ODAD2: variants seen among roughly 807,000 people sequenced by gnomAD.
ODAD2 encodes outer dynein arm docking complex subunit 2, also known as outer dynein arm-docking complex subunit 2.
Under a neutral mutation model 106.8 loss-of-function variants are expected in ODAD2, and 89 were observed. The observed-to-expected ratio is 0.83, with a 90% CI of 0.70 to 0.99. The LOEUF is 0.99. ODAD2 is among the 50% of genes least tolerant of loss of function. The pLI, the probability that ODAD2 is intolerant of heterozygous loss-of-function variation, is 0.00. For synonymous variants in ODAD2, 404 were observed against 436.2 expected (o/e 0.93, Z 0.92); for missense variants, 1,168 against 1,238.5 (o/e 0.94, Z 0.85).
At chr10:27,851,588 A>T (rs1302661858) in intron 19 of ODAD2, among the ~76,000 whole-genome samples, 5 of 152,080 alleles carry the variant, frequency 3.3e-5, no homozygotes, top group African/African-American at 1.2e-4. Flanking sequence ...ACATTGCAGA[A>T]AAAAAAGTGA....
chr10:27,984,120 G>C (rs1000922700), intron 5 of ODAD2, 64 bp downstream of exon 5: 48 of 1,485,714 alleles, frequency 3.2e-5, no homozygotes, highest in South Asian at 1.0e-4. Flanking sequence ...GACATTGAAA[G>C]CATTTTGCAA....
chr10:27,923,668 C>T (rs540964742), intron 16 of ODAD2, among the ~76,000 whole-genome samples: 1 of 152,040 alleles, frequency 6.6e-6, no homozygotes, highest in Non-Finnish European at 1.5e-5. Flanking sequence ...CAAGCACTGA[C>T]AGGGTACAGT....
intron 2 of ODAD2, 124 bp from the exon 3 acceptor site, chr10:27,987,667 T>G (rs1367631817): frequency 1.6e-6 from 1 of 611,344 alleles, no homozygotes; most frequent in Non-Finnish European, 2.6e-6. Context: ...TATAAATACA[T>G]CTGGTTAGTA....
intron 7 of ODAD2, among the ~76,000 whole-genome samples, chr10:27,973,984 G>A (rs986564070): frequency 2.6e-4 from 40 of 152,184 alleles, no homozygotes; most frequent in African/African-American, 9.7e-4. Context: ...TCTGACTGGT[G>A]TAAGATGATA....
chr10:27,943,535 C>T (rs1590091727), intron 12 of ODAD2, among the ~76,000 whole-genome samples: 2 of 151,756 alleles, frequency 1.3e-5, no homozygotes, highest in South Asian at 2.1e-4. Context: ...ACCTGTAATC[C>T]CAGCACTTTC....
chr10:27,958,480 CA>C (rs1449390201), intron 10 of ODAD2, among the ~76,000 whole-genome samples: 1 of 152,178 alleles, frequency 6.6e-6, no homozygotes, highest in African/African-American at 2.4e-5. Context: ...CTCTTAGCAC[CA>C]GGATCAGTTA....
intron 16 of ODAD2, among the ~76,000 whole-genome samples, chr10:27,926,041 T>C (rs909964151): frequency 6.7e-6 from 1 of 150,360 alleles, no homozygotes; most frequent in Non-Finnish European, 1.5e-5. Flanking sequence ...CTTTCTCTAA[T>C]GTTAGAGCAG....
intron 17 of ODAD2, among the ~76,000 whole-genome samples, chr10:27,881,521 C>T (rs1375321670): frequency 3.3e-5 from 5 of 151,776 alleles, no homozygotes; most frequent in Non-Finnish European, 5.9e-5. Flanking sequence ...CCTGTAGTCC[C>T]ACTTACTTGG....
At chr10:27,937,238 T>C (rs58628171) in intron 14 of ODAD2, among the ~76,000 whole-genome samples, 4,713 of 152,202 alleles carry the variant, frequency 0.031, 253 homozygotes, top group African/African-American at 0.11. Flanking sequence ...TGGGAAAACA[T>C]AGTAGAGAAG....
intron 16 of ODAD2, among the ~76,000 whole-genome samples, chr10:27,925,877 G>T (rs1192413960): frequency 6.6e-6 from 1 of 151,740 alleles, no homozygotes; most frequent in African/African-American, 2.4e-5. Context: ...TAAAGAATAA[G>T]AATTTTAAAG....
Position 27,824,120 on chromosome 10 carries a change from G to A in ODAD2, c.3022-11495C>T, listed in dbSNP as rs1254783188. ...TGCGCCACTGCACTCCAGCCTGGGC[G>A]ACAGCGAGACTCCGTCTCAAAAAAA... On this transcript the variant is annotated intron_variant, in intron 19 of 19. Coordinates refer to ENST00000305242, the MANE Select transcript of ODAD2 (RefSeq NM_018076.5). Among the ~76,000 whole-genome samples the A allele has an allele frequency of 2.4e-3, 218 of 92,142 alleles. 22 individuals are homozygous for A. The highest frequency in any genetic ancestry group is 0.013 in the African/African-American group (198 of 15,442). 60.4% of individuals were successfully genotyped at this position (92,142 alleles called of 152,430 possible).
intron 17 of ODAD2, among the ~76,000 whole-genome samples, chr10:27,877,229 G>A (rs527765135): frequency 7.2e-5 from 11 of 152,138 alleles, no homozygotes; most frequent in East Asian, 5.8e-4. Flanking sequence ...ACCTCACAGC[G>A]ACTAATGACT....
intron 17 of ODAD2, among the ~76,000 whole-genome samples, chr10:27,905,773 T>G (rs1843545158): frequency 6.6e-6 from 1 of 152,196 alleles, no homozygotes; most frequent in Admixed American, 6.5e-5. Context: ...GGGAAAGGAT[T>G]CCCTATTTAA....
chr10:27,978,301 G>A (rs984897274), intron 7 of ODAD2, among the ~76,000 whole-genome samples: 1 of 152,062 alleles, frequency 6.6e-6, no homozygotes, highest in Non-Finnish European at 1.5e-5. Context: ...TCCAAAGAGG[G>A]GAAAAAGCCA....
intron 10 of ODAD2, among the ~76,000 whole-genome samples, chr10:27,953,323 A>G (rs1243530286): frequency 1.3e-5 from 2 of 152,222 alleles, no homozygotes; most frequent in Admixed American, 1.3e-4. Context: ...TGCCTTAGCT[A>G]TCACAGTTCA....
chr10:27,904,644 T>C (rs901124728), intron 17 of ODAD2, among the ~76,000 whole-genome samples: 39 of 152,354 alleles, frequency 2.6e-4, no homozygotes, highest in African/African-American at 8.7e-4. Context: ...AATGCCACAC[T>C]GTTCTAAATA....
intron 19 of ODAD2, among the ~76,000 whole-genome samples, chr10:27,838,513 CCAAA>C (rs1210376290): frequency 6.6e-6 from 1 of 152,118 alleles, no homozygotes; most frequent in Non-Finnish European, 1.5e-5. Flanking sequence ...CTCTAAGTAA[CCAAA>C]CAATTACAAG....
At chr10:27,854,413 G>T (rs929819120) in intron 19 of ODAD2, among the ~76,000 whole-genome samples, 2 of 152,142 alleles carry the variant, frequency 1.3e-5, no homozygotes, top group Non-Finnish European at 1.5e-5. Context: ...ATGAATGTTC[G>T]TAGCAGCTTT....
chr10:27,892,890 T>C (rs1842648356), intron 17 of ODAD2, among the ~76,000 whole-genome samples: 3 of 152,198 alleles, frequency 2.0e-5, no homozygotes, highest in Admixed American at 2.0e-4. Context: ...AACTCACGCC[T>C]GTAATCCCAG....
Sources: gnomAD v4.1 joint callset for allele counts (sites outside exome capture counted in the v4.1 genomes callset) on GRCh38, gnomAD v4.1.1 for gene constraint, MANE v1.5 for transcripts, NCBI Gene and HGNC (gene_info 2026-07-23, HGNC 2026-07-21) for gene names.